MEIS1: variants seen among roughly 807,000 people sequenced by gnomAD.
MEIS1 encodes the protein homeobox protein Meis1.
Under a neutral mutation model 50.8 loss-of-function variants are expected in MEIS1, and 5 were observed. The observed-to-expected ratio is 0.10, with a 90% CI of 0.05 to 0.21. The LOEUF is 0.21. Among genes scored for constraint, MEIS1 ranks in the 10% least tolerant of loss-of-function variants. The probability of loss-of-function intolerance (pLI) is 1.00; values close to 1 mark genes in which losing one functional copy is unlikely to be tolerated. For missense variants in MEIS1, 318 were observed against 517.3 expected (o/e 0.61, Z 3.74); for synonymous variants, 176 against 179.3 (o/e 0.98, Z 0.15).
chr2:66,460,515 G>A (rs1373681489), intron 6 of MEIS1, among the ~76,000 whole-genome samples: 2 of 152,024 alleles, frequency 1.3e-5, no homozygotes, highest in Non-Finnish European at 2.9e-5. Context: ...TGTCTCTTGG[G>A]GCCCTAGAAC....
chr2:66,497,879 A>G (rs902076973), intron 7 of MEIS1, among the ~76,000 whole-genome samples: 6 of 152,294 alleles, frequency 3.9e-5, no homozygotes, highest in East Asian at 3.9e-4. Flanking sequence ...TCATCCACCA[A>G]TTGGCTGCCA....
intron 6 of MEIS1, among the ~76,000 whole-genome samples, chr2:66,456,223 A>C (rs914018173): frequency 4.2e-5 from 4 of 95,532 alleles, no homozygotes; most frequent in African/African-American, 2.1e-4. Context: ...AGTGACTATC[A>C]TATGATTTTT....
At chr2:66,461,622 T>C (rs1672520095) in intron 6 of MEIS1, among the ~76,000 whole-genome samples, 1 of 152,230 alleles carries the variant, frequency 6.6e-6, no homozygotes, top group Non-Finnish European at 1.5e-5. Flanking sequence ...TATTGGCTCC[T>C]ACCTTTGGTG....
At position 66,548,103 on chromosome 2, in the gene MEIS1, A is replaced by G. The variant is rs552087377; in HGVS notation, c.965+84A>G. 239 of 1,338,804 alleles carry G rather than the reference A, an allele frequency of 1.8e-4. No homozygotes were observed. In the African/African-American group the frequency reaches 3.0e-3, roughly 17 times the overall value. 82.9% of individuals were successfully genotyped at this position (1,338,804 alleles called of 1,614,324 possible). ...CTCATGTTTTGCATTAAGAAGACACACCCAGTTGCCACTGCTTTCCCTGGT... is the reference window on the plus strand; with the variant it reads ...CTCATGTTTTGCATTAAGAAGACACGCCCAGTTGCCACTGCTTTCCCTGGT... On this transcript the variant is annotated intron_variant, in intron 9 of 12. Coordinates refer to ENST00000272369, the MANE Select transcript of MEIS1 (RefSeq NM_002398.3).
chr2:66,558,404 A>G (rs1258861788), intron 9 of MEIS1, among the ~76,000 whole-genome samples: 1 of 152,194 alleles, frequency 6.6e-6, no homozygotes, highest in African/African-American at 2.4e-5. Flanking sequence ...AGATGACCAT[A>G]AGCATTTTCA....
At chr2:66,483,371 G>A (rs559735991) in intron 7 of MEIS1, among the ~76,000 whole-genome samples, 2 of 152,038 alleles carry the variant, frequency 1.3e-5, no homozygotes, top group Admixed American at 1.3e-4. Context: ...ACCGCGCCCG[G>A]CTGGACTGGT....
chr2:66,487,865 A>G (rs893214887), intron 7 of MEIS1, among the ~76,000 whole-genome samples: 1 of 152,246 alleles, frequency 6.6e-6, no homozygotes, highest in African/African-American at 2.4e-5. Flanking sequence ...TTTCAGAAAC[A>G]TTTTACATAT....
intron 7 of MEIS1, among the ~76,000 whole-genome samples, chr2:66,473,205 C>A (rs1672804417): frequency 6.6e-6 from 1 of 150,970 alleles, no homozygotes; most frequent in East Asian, 1.9e-4. Flanking sequence ...ATTGAGAAAC[C>A]CCATCTCTAC....
intron 8 of MEIS1, among the ~76,000 whole-genome samples, chr2:66,533,707 G>T (rs1674449653): frequency 6.6e-6 from 1 of 152,036 alleles, no homozygotes; most frequent in African/African-American, 2.4e-5. Context: ...CTCATAAATT[G>T]TGCAGGGCTT....
At chr2:66,568,879 G>A in intron 11 of MEIS1, 123 bp downstream of exon 11, 1 of 1,103,188 alleles carries the variant, frequency 9.1e-7, no homozygotes, top group Admixed American at 1.7e-5. Flanking sequence ...TGCCTTGTCT[G>A]CTATCTGTGC....
chr2:66,439,772 T>A, intron 2 of MEIS1, 71 bp from the exon 3 acceptor site: 1 of 1,607,246 alleles, frequency 6.2e-7, no homozygotes, highest in Non-Finnish European at 8.5e-7. Flanking sequence ...CAGCTGTTTT[T>A]CTTGGGCACC....
rs541543444 is a variant in MEIS1 at position 66,535,704 on chromosome 2, G to A, written c.889-12239G>A. 1.8e-4 allele frequency among the ~76,000 whole-genome samples: 27 copies of A among 152,184 alleles called. No homozygotes were observed. In the South Asian group the frequency reaches 4.8e-3, roughly 27 times the overall value. On this transcript the variant is annotated intron_variant, in intron 8 of 12. Transcript: ENST00000272369. Reference sequence around the variant, plus strand: ...TGAATTCACATCAATAAATGCTTTCGGGAGTTGGAAAGGGTTTGCTTAAGA... The same window carrying A: ...TGAATTCACATCAATAAATGCTTTCAGGAGTTGGAAAGGGTTTGCTTAAGA...
In MEIS1 at chr2:66,530,196, CA is replaced by C. The variant is rs5831814; in HGVS notation, c.889-17734del. Among the ~76,000 whole-genome samples, 362 of 122,624 alleles carry C rather than the reference CA, an allele frequency of 3.0e-3. 1 individual carries two copies. In the East Asian group the frequency reaches 0.039, roughly 13 times the overall value. The allele number at this position is 122,624 out of a possible 152,430, so 80.4% of individuals were successfully genotyped here. On this transcript the variant is annotated intron_variant, in intron 8 of 12. Coordinates refer to ENST00000272369, the MANE Select transcript of MEIS1 (RefSeq NM_002398.3). ...GCTGTTGGGAACACAGTAGGCAAAG[CA>C]AAAAAAAAAAAAGGAAAGAAGAAAA... is the stretch of plus-strand genomic sequence containing the variant.
Position 66,569,140 on chromosome 2 carries a change from G to GGGGAA in MEIS1, c.*34_*37+1dup, listed in dbSNP as rs750226008. The stretch of plus-strand genomic sequence containing the variant: ...TCTAGTTAACCAATCGCAAAGCAAG[G>GGGGAA]GGGAAGTAAGTACAAATGGGGTCTT... On this transcript the variant is annotated 3_prime_UTR_variant, in exon 12 of 13. Coordinates refer to ENST00000272369, the MANE Select transcript of MEIS1 (RefSeq NM_002398.3). 6.2e-7 allele frequency: 1 copy of GGGGAA among 1,609,694 alleles called. No individual in the cohort carries two copies. The highest frequency in any genetic ancestry group is 1.1e-5 in the South Asian group (1 of 89,742).
At chr2:66,522,158 AG>A (rs1674139164) in intron 8 of MEIS1, among the ~76,000 whole-genome samples, 1 of 152,238 alleles carries the variant, frequency 6.6e-6, no homozygotes, top group African/African-American at 2.4e-5. Context: ...CCTTCTTTCT[AG>A]CCAGAACAGA....
intron 8 of MEIS1, among the ~76,000 whole-genome samples, chr2:66,547,485 G>A (rs1408436771): frequency 6.6e-6 from 1 of 152,024 alleles, no homozygotes; most frequent in Non-Finnish European, 1.5e-5. Context: ...TTTGCATCTG[G>A]CAATATGGTG....
chr2:66,440,969 C>A, intron 4 of MEIS1: 1 of 347,912 alleles, frequency 2.9e-6, no homozygotes, highest in Non-Finnish European at 5.1e-6. Context: ...GGGCAGCCAC[C>A]GGACAAGAGC....
intron 2 of MEIS1, 112 bp from the exon 3 acceptor site, chr2:66,439,731 T>C (rs1201062763): frequency 1.9e-6 from 3 of 1,583,878 alleles, no homozygotes; most frequent in East Asian, 4.5e-5. Flanking sequence ...GATGACACAA[T>C]CGGAGAGGGG....
chr2:66,467,931 A>G (rs11674635), intron 7 of MEIS1, among the ~76,000 whole-genome samples: 2,404 of 152,316 alleles, frequency 0.016, 28 homozygotes, highest in Non-Finnish European at 0.021. Context: ...TGTTTACTCC[A>G]TAACTTCCTC....
Sources: allele counts gnomAD v4.1 joint callset (sites outside exome capture counted in the v4.1 genomes callset), GRCh38; gene constraint gnomAD v4.1.1; transcripts MANE v1.5; gene names NCBI Gene and HGNC (gene_info 2026-07-23, HGNC 2026-07-21).